CNTN6: variants seen among roughly 807,000 people sequenced by gnomAD.
CNTN6 encodes contactin 6.
In CNTN6, 137 loss-of-function variants were observed where a neutral mutation model predicts 122.8. The ratio of observed to expected loss-of-function variants is 1.12; its 90% CI spans 0.97 to 1.29. CNTN6 has a LOEUF of 1.29. Among genes scored for constraint, CNTN6 ranks in the 50% most tolerant of loss-of-function variants. The pLI is 0.00. For missense variants in CNTN6, 1,634 were observed against 1,223.4 expected, an observed-to-expected ratio of 1.34 and a Z score of -5.01; for synonymous variants, 570 against 426.0, an observed-to-expected ratio of 1.34 and a Z score of -4.16.
At position 1,301,094 on chromosome 3, in the gene CNTN6, T is replaced by C. The variant is rs1697323660; in HGVS notation, c.761+3103T>C. ...CTCTGTCGCCCAGGCTGGAGTGCAA[T>C]GGCACGATCTCGGCTCACTGCAACC... On this transcript the variant is annotated intron_variant, in intron 7 of 22. Transcript: ENST00000446702. 2.1e-5 allele frequency among the ~76,000 whole-genome samples: 3 copies of C among 141,842 alleles called. No homozygotes were observed. In the Admixed American group the frequency reaches 2.3e-4, roughly 11 times the overall value. 93.1% of individuals were successfully genotyped at this position (141,842 alleles called of 152,430 possible). A position where few individuals can be genotyped will look rare whatever the true frequency, so the allele number is the denominator to read the frequency against.
chr3:1,372,709 G>C lies in CNTN6; in HGVS notation c.1669-129G>C. Reference sequence around the variant, plus strand: ...ATAAAAGGGTTTAGATACAAGAAATGACAATGATACTAGTATATCTTTTAA... The same window carrying C: ...ATAAAAGGGTTTAGATACAAGAAATCACAATGATACTAGTATATCTTTTAA... On this transcript the variant is annotated intron_variant, in intron 13 of 22. Coordinates refer to ENST00000446702, the MANE Select transcript of CNTN6 (RefSeq NM_001289080.2). 8 of 688,474 alleles carry C rather than the reference G, an allele frequency of 1.2e-5. No homozygotes were observed. The South Asian group carries it at 1.6e-4, about 14-fold the overall frequency. 42.6% of individuals were successfully genotyped at this position (688,474 alleles called of 1,614,324 possible).
At chr3:1,327,902 A>G (rs889876413) in intron 10 of CNTN6, among the ~76,000 whole-genome samples, 3 of 151,370 alleles carry the variant, frequency 2.0e-5, no homozygotes, top group African/African-American at 7.3e-5. Flanking sequence ...TGCAAATTAA[A>G]AAGTAATAAA....
Position 1,227,821 on chromosome 3 carries a change from G to C in CNTN6, c.186G>C (p.Trp62Cys). 5.0e-6 allele frequency: 8 copies of C among 1,611,792 alleles called. No individual in the cohort carries two copies. Among genetic ancestry groups the C allele is most frequent in the Non-Finnish European group, 6.8e-6 (8 of 1,179,272 alleles). ...TTTATTTTTTTTTTCCTTGAAGGTG[G>C]AAGCAAAATGGCACAGACATTGATT... The part of the protein sequence containing the change: ...ANGYPSPHYR[W>C]KQNGTDIDFT... The change falls in exon 4 of 23, where the codon TGG becomes TGC. Residue 62 changes from tryptophan (W) to cysteine (C), a missense_variant. Trp to Cys is a radical substitution (Grantham distance 215, BLOSUM62 -2). Transcript: ENST00000446702.
chr3:1,214,046 G>C (rs1224622963), intron 2 of CNTN6, among the ~76,000 whole-genome samples: 1 of 151,780 alleles, frequency 6.6e-6, no homozygotes, highest in African/African-American at 2.4e-5. Context: ...ATCTTATCGA[G>C]GTTGTAGCAT....
intron 5 of CNTN6, among the ~76,000 whole-genome samples, chr3:1,290,020 C>T (rs1695051702): frequency 6.6e-6 from 1 of 152,156 alleles, no homozygotes; most frequent in Non-Finnish European, 1.5e-5. Flanking sequence ...GCTCCAGACC[C>T]CCCAGTGTCA....
chr3:1,272,440 A>G (rs1283728849), intron 4 of CNTN6, among the ~76,000 whole-genome samples: 1 of 152,242 alleles, frequency 6.6e-6, no homozygotes, highest in Non-Finnish European at 1.5e-5. Flanking sequence ...AGCATCTGAC[A>G]TATAATGGCT....
intron 1 of CNTN6, among the ~76,000 whole-genome samples, chr3:1,109,445 A>C (rs2125009092): frequency 6.6e-6 from 1 of 152,214 alleles, no homozygotes; most frequent in Admixed American, 6.5e-5. Context: ...ATGTCAAAAT[A>C]ATATAAATAT....
At chr3:1,356,634 G>A (rs903357209) in intron 12 of CNTN6, among the ~76,000 whole-genome samples, 1 of 151,738 alleles carries the variant, frequency 6.6e-6, no homozygotes, top group Non-Finnish European at 1.5e-5. Context: ...AAGATGTATT[G>A]GAATACATTT....
At chr3:1,248,278 A>G (rs1379538564) in intron 4 of CNTN6, among the ~76,000 whole-genome samples, 1 of 152,142 alleles carries the variant, frequency 6.6e-6, no homozygotes, top group Non-Finnish European at 1.5e-5. Context: ...TGTAGCAGTG[A>G]GGGAATAATG....
At chr3:1,150,432 A>G (rs1163436251) in intron 2 of CNTN6, among the ~76,000 whole-genome samples, 3 of 152,154 alleles carry the variant, frequency 2.0e-5, no homozygotes, top group African/African-American at 7.2e-5. Context: ...AAATTTTTTG[A>G]CAACCTCTCC....
At chr3:1,325,552 C>T (rs1701414026) in intron 8 of CNTN6, among the ~76,000 whole-genome samples, 1 of 151,852 alleles carries the variant, frequency 6.6e-6, no homozygotes, top group East Asian at 1.9e-4. Flanking sequence ...CCTTTTCCCA[C>T]AGCTCCCAAG....
intron 1 of CNTN6, among the ~76,000 whole-genome samples, chr3:1,139,683 T>G (rs1033023330): frequency 1.3e-5 from 2 of 152,178 alleles, no homozygotes; most frequent in Non-Finnish European, 2.9e-5. Context: ...AACCCCAGAA[T>G]CACAGCAGAT....
intron 1 of CNTN6, among the ~76,000 whole-genome samples, chr3:1,102,147 A>C (rs188569239): frequency 6.6e-6 from 1 of 152,160 alleles, no homozygotes; most frequent in Non-Finnish European, 1.5e-5. Context: ...AAGAATGTAG[A>C]CATTTTATTT....
chr3:1,262,186 GAAGT>G (rs1220925906), intron 4 of CNTN6, among the ~76,000 whole-genome samples: 2 of 152,080 alleles, frequency 1.3e-5, no homozygotes, highest in Non-Finnish European at 2.9e-5. Flanking sequence ...TCAAAAATCC[GAAGT>G]AAGAGTCACA....
intron 2 of CNTN6, among the ~76,000 whole-genome samples, chr3:1,185,555 T>C (rs1325943302): frequency 2.0e-5 from 3 of 152,186 alleles, no homozygotes; most frequent in Non-Finnish European, 4.4e-5. Flanking sequence ...TGCTAATCTA[T>C]GTGACCTTGG....
At chr3:1,312,675 G>A (rs953905062) in intron 7 of CNTN6, among the ~76,000 whole-genome samples, 3 of 150,658 alleles carry the variant, frequency 2.0e-5, no homozygotes, top group Non-Finnish European at 4.4e-5. Flanking sequence ...CTTAGGTGAA[G>A]AATGTATTGC....
intron 7 of CNTN6, among the ~76,000 whole-genome samples, chr3:1,304,150 C>T (rs1697926303): frequency 6.6e-6 from 1 of 152,254 alleles, no homozygotes; most frequent in East Asian, 1.9e-4. Flanking sequence ...CTTATGTCTC[C>T]CCTACCTACT....
intron 4 of CNTN6, among the ~76,000 whole-genome samples, chr3:1,232,747 T>A (rs140267202): frequency 6.6e-6 from 1 of 152,166 alleles, no homozygotes; most frequent in Non-Finnish European, 1.5e-5. Flanking sequence ...AAAGGTGAAA[T>A]TGACCTATAA....
chr3:1,255,676 T>C lies in CNTN6; in HGVS notation c.359-22737T>C, dbSNP rs533548011. 2.0e-5 allele frequency among the ~76,000 whole-genome samples: 3 copies of C among 152,096 alleles called. No homozygotes were observed. The Middle Eastern group carries it at 0.01, about 517-fold the overall frequency. The stretch of plus-strand genomic sequence containing the variant: ...TATATATAATCTAAGTTTAAAATTA[T>C]TTTTATTATTTCTTAGAGTCAAGGT... On this transcript the variant is annotated intron_variant, in intron 4 of 22. Transcript: ENST00000446702.
Sources: allele counts gnomAD v4.1 joint callset (sites outside exome capture counted in the v4.1 genomes callset), GRCh38; gene constraint gnomAD v4.1.1; transcripts MANE v1.5; gene names NCBI Gene and HGNC (gene_info 2026-07-23, HGNC 2026-07-21).